The following AGPAT4 variants were observed in gnomAD, a reference collection of about 807,000 sequenced individuals.
The protein encoded by AGPAT4 is 1-acylglycerol-3-phosphate O-acyltransferase 4, also known as 1-acyl-sn-glycerol-3-phosphate acyltransferase delta.
AGPAT4 carries 15 observed loss-of-function variants against 48.0 expected under a neutral mutation model. That is an observed-to-expected ratio of 0.31 (90% CI 0.21 to 0.48). AGPAT4 has a LOEUF of 0.48. AGPAT4 is among the 20% of genes least tolerant of loss of function. The pLI is 0.99. For missense variants in AGPAT4, 314 were observed against 482.5 expected, an observed-to-expected ratio of 0.65 and a Z score of 3.27; for synonymous variants, 178 against 198.7, an observed-to-expected ratio of 0.90 and a Z score of 0.88.
At chr6:161,258,158 C>T (rs1162081094) in intron 1 of AGPAT4, among the ~76,000 whole-genome samples, 2 of 152,290 alleles carry the variant, frequency 1.3e-5, no homozygotes, top group South Asian at 2.1e-4. Context: ...TCTTATGACA[C>T]TTTTTTTCCT....
rs1365446791 is a variant in AGPAT4, at chr6:161,232,823, C to A, written c.-89-521G>T. 6.6e-6 allele frequency among the ~76,000 whole-genome samples: 1 copy of A among 152,220 alleles called. No individual in the cohort carries two copies. Among genetic ancestry groups the A allele is most frequent in the Non-Finnish European group, 1.5e-5 (1 of 68,040 alleles). On this transcript the variant is annotated intron_variant, in intron 1 of 8. Coordinates refer to ENST00000320285, the MANE Select transcript of AGPAT4 (RefSeq NM_020133.3). This position sits in a 1 kb window ranked among gnomAD's most constrained non-coding sequence, Gnocchi z 6.8. ...GGACTGCCCTAAAGTCAAGCCTGCC[C>A]TGGACAAGGACGAGGACATACCCAG...
At position 161,262,546 on chromosome 6, in the gene AGPAT4, C is replaced by T. The variant is rs1371323903; in HGVS notation, c.-90+11392G>A. Among the ~76,000 whole-genome samples the T allele has an allele frequency of 6.6e-6, 1 of 152,152 alleles. No individual in the cohort carries two copies. Among genetic ancestry groups the T allele is most frequent in the African/African-American group, 2.4e-5 (1 of 41,422 alleles). ...GGTTTGCTTGTCCCTGGGCAAAGTC[C>T]CCAGCCTAGAGTTCCTCCTTCCACA... On this transcript the variant is annotated intron_variant, in intron 1 of 8. Coordinates refer to ENST00000320285, the MANE Select transcript of AGPAT4 (RefSeq NM_020133.3). The surrounding 1 kb of genome is among the most constrained non-coding windows in gnomAD (Gnocchi z 4.9).
In AGPAT4 at chr6:161,246,414, C is replaced by CT. The variant is rs11433098; in HGVS notation, c.-89-14113dup. ...CTTCTGAGCATAGGCACAGGGGATTCTTTTTTTTTTTTGAGACAGAGTTTC... is the reference window on the plus strand; with the variant it reads ...CTTCTGAGCATAGGCACAGGGGATTCTTTTTTTTTTTTTGAGACAGAGTTTC... On this transcript the variant is annotated intron_variant, in intron 1 of 8. Coordinates refer to ENST00000320285, the MANE Select transcript of AGPAT4 (RefSeq NM_020133.3). This position sits in a 1 kb window ranked among gnomAD's most constrained non-coding sequence, Gnocchi z 5.5. Among the ~76,000 whole-genome samples, 7,937 of 145,954 alleles carry CT rather than the reference C, an allele frequency of 0.054. 633 individuals carry two copies. The highest frequency in any genetic ancestry group is 0.18 in the African/African-American group (7,080 of 39,762).
In AGPAT4 at chr6:161,222,566, G is replaced by A. The variant is rs1009840069; in HGVS notation, c.178+9470C>T. 1.3e-5 allele frequency among the ~76,000 whole-genome samples: 2 copies of A among 150,716 alleles called. No individual in the cohort carries two copies. Among genetic ancestry groups the A allele is most frequent in the African/African-American group, 4.9e-5 (2 of 40,416 alleles). On this transcript the variant is annotated intron_variant, in intron 2 of 8. Coordinates refer to ENST00000320285, the MANE Select transcript of AGPAT4 (RefSeq NM_020133.3). This position sits in a 1 kb window ranked among gnomAD's most constrained non-coding sequence, Gnocchi z 5.9. Reference sequence around the variant, plus strand: ...TGGGCATCTTTCTATAAAAGATTACGCATGAACAGATTTTTTTTTTTTTCA... The same window carrying A: ...TGGGCATCTTTCTATAAAAGATTACACATGAACAGATTTTTTTTTTTTTCA...
chr6:161,168,602 G>C (rs747864532), intron 2 of AGPAT4, among the ~76,000 whole-genome samples: 3 of 152,010 alleles, frequency 2.0e-5, no homozygotes, highest in Non-Finnish European at 4.4e-5. Flanking sequence ...GCAAGAGCCT[G>C]GCACATGGAT....
In AGPAT4 at chr6:161,137,824, CCT is replaced by C. The variant is rs1287526265; in HGVS notation, c.1043-1192_1043-1191del. Among the ~76,000 whole-genome samples the C allele has an allele frequency of 2.6e-5, 4 of 151,622 alleles. No individual in the cohort carries two copies. Among genetic ancestry groups the C allele is most frequent in the African/African-American group, 9.7e-5 (4 of 41,256 alleles). On this transcript the variant is annotated intron_variant, in intron 8 of 8. Transcript: ENST00000320285. The surrounding 1 kb of genome is among the most constrained non-coding windows in gnomAD (Gnocchi z 6.1). ...ACCCCTCAGATGCTCCTGAAGACTC[CCT>C]GTGTCCACACTGCACCCCTCAGATG... is the stretch of plus-strand genomic sequence containing the variant.
At chr6:161,273,781 G>T (rs367880608) in intron 1 of AGPAT4, among the ~76,000 whole-genome samples, 157 bp downstream of exon 1, 1 of 81,704 alleles carries the variant, frequency 1.2e-5, no homozygotes. Context: ...CCTTTCCCCC[G>T]CCCGCCTTGC....
chr6:161,165,471 G>T lies in AGPAT4; in HGVS notation c.348+777C>A, dbSNP rs1780067868. 3.1e-6 allele frequency: 2 copies of T among 651,032 alleles called. No homozygotes were observed. The highest frequency in any genetic ancestry group is 2.2e-6 in the Non-Finnish European group (1 of 461,330). 40.3% of individuals were successfully genotyped at this position (651,032 alleles called of 1,614,324 possible). On this transcript the variant is annotated intron_variant, in intron 3 of 8. Coordinates refer to ENST00000320285, the MANE Select transcript of AGPAT4 (RefSeq NM_020133.3). The surrounding 1 kb of genome is among the most constrained non-coding windows in gnomAD (Gnocchi z 5.5). ...CCCCGTATCTGTTCTACAGGGCATT[G>T]TTCCCAGGTGCAAAACCTGATCTCT...
At position 161,161,516 on chromosome 6, in the gene AGPAT4, G is replaced by A. The variant is rs763671407; in HGVS notation, c.348+4732C>T. ...AGAGCTGATGAATTCACATGGTGGC[G>A]GGCAGCACTGGGTATCTGCCATAGG... On this transcript the variant is annotated intron_variant, in intron 3 of 8. Coordinates refer to ENST00000320285, the MANE Select transcript of AGPAT4 (RefSeq NM_020133.3). This position sits in a 1 kb window ranked among gnomAD's most constrained non-coding sequence, Gnocchi z 4.6. The A allele has an allele frequency of 2.4e-5, 11 of 456,474 alleles. No homozygotes were observed. Among genetic ancestry groups the A allele is most frequent in the Middle Eastern group, 3.2e-4 (1 of 3,098 alleles). The allele number at this position is 456,474 out of a possible 1,614,324, so 28.3% of individuals were successfully genotyped here.
Position 161,225,087 on chromosome 6 carries a change from C to T in AGPAT4, c.178+6949G>A, listed in dbSNP as rs1349972175. Among the ~76,000 whole-genome samples the T allele has an allele frequency of 2.0e-5, 3 of 150,470 alleles. No individual in the cohort carries two copies. Among genetic ancestry groups the T allele is most frequent in the Non-Finnish European group, 2.9e-5 (2 of 67,958 alleles). ...ATTACCTGCTTCACCCTGACTCATTCGGATTATTACCTGCTCTACCCAGAC... is the reference window on the plus strand; with the variant it reads ...ATTACCTGCTTCACCCTGACTCATTTGGATTATTACCTGCTCTACCCAGAC... On this transcript the variant is annotated intron_variant, in intron 2 of 8. Coordinates refer to ENST00000320285, the MANE Select transcript of AGPAT4 (RefSeq NM_020133.3). The surrounding 1 kb of genome is among the most constrained non-coding windows in gnomAD (Gnocchi z 5.0).
rs568414212 is a variant in AGPAT4 at position 161,154,560 on chromosome 6, G to A, written c.349-250C>T. Among the ~76,000 whole-genome samples the A allele has an allele frequency of 1.3e-5, 2 of 152,246 alleles. No homozygotes were observed. The highest frequency in any genetic ancestry group is 1.3e-4 in the Admixed American group (2 of 15,306). ...GGGCACCCTGGTTCTCAGCGCAGAC[G>A]GCAGGAGTCAAGAAGGCAGCAGCGA... On this transcript the variant is annotated intron_variant, in intron 3 of 8. Coordinates refer to ENST00000320285, the MANE Select transcript of AGPAT4 (RefSeq NM_020133.3). The surrounding 1 kb of genome is among the most constrained non-coding windows in gnomAD (Gnocchi z 7.8).
Position 161,164,071 on chromosome 6 carries a change from T to C in AGPAT4, c.348+2177A>G, listed in dbSNP as rs970560979. On this transcript the variant is annotated intron_variant, in intron 3 of 8. Coordinates refer to ENST00000320285, the MANE Select transcript of AGPAT4 (RefSeq NM_020133.3). This position sits in a 1 kb window ranked among gnomAD's most constrained non-coding sequence, Gnocchi z 7.4. Reference sequence around the variant, plus strand: ...TATGCTGCAGGTGGGATGGGCGTGCTGTTGACTTGCTTTCCCGCCATCAGC... The same window carrying C: ...TATGCTGCAGGTGGGATGGGCGTGCCGTTGACTTGCTTTCCCGCCATCAGC... 5.9e-5 allele frequency among the ~76,000 whole-genome samples: 9 copies of C among 152,218 alleles called. No homozygotes were observed. The highest frequency in any genetic ancestry group is 2.6e-4 in the Admixed American group (4 of 15,286).
At position 161,243,627 on chromosome 6, in the gene AGPAT4, AG is replaced by A. The variant is rs1318162840; in HGVS notation, c.-89-11326del. 2.0e-5 allele frequency among the ~76,000 whole-genome samples: 3 copies of A among 152,218 alleles called. No individual in the cohort carries two copies. The highest frequency in any genetic ancestry group is 7.2e-5 in the African/African-American group (3 of 41,464). ...CCACCGTGCTGTAACAATTACACAC[AG>A]GAAGGCAGAGAAACAGCACAACAGC... On this transcript the variant is annotated intron_variant, in intron 1 of 8. Coordinates refer to ENST00000320285, the MANE Select transcript of AGPAT4 (RefSeq NM_020133.3). This position sits in a 1 kb window ranked among gnomAD's most constrained non-coding sequence, Gnocchi z 4.8.
At position 161,225,053 on chromosome 6, in the gene AGPAT4, C is replaced by T. The variant is rs1374011976; in HGVS notation, c.178+6983G>A. Among the ~76,000 whole-genome samples the T allele has an allele frequency of 6.6e-6, 1 of 152,040 alleles. No individual in the cohort carries two copies. The highest frequency in any genetic ancestry group is 1.5e-5 in the Non-Finnish European group (1 of 68,004). On this transcript the variant is annotated intron_variant, in intron 2 of 8. Transcript: ENST00000320285. The surrounding 1 kb of genome is among the most constrained non-coding windows in gnomAD (Gnocchi z 5.0). ...CTTCCAACTACCTGCTCCACCCTGA[C>T]TCATTCCGATTACCTGCTTCACCCT...
At position 161,189,643 on chromosome 6, in the gene AGPAT4, C is replaced by A. The variant is rs1780866463; in HGVS notation, c.179-23226G>T. Among the ~76,000 whole-genome samples, 1 of 152,114 alleles carries A rather than the reference C, an allele frequency of 6.6e-6. No homozygotes were observed. The highest frequency in any genetic ancestry group is 2.4e-5 in the African/African-American group (1 of 41,418). On this transcript the variant is annotated intron_variant, in intron 2 of 8. Coordinates refer to ENST00000320285, the MANE Select transcript of AGPAT4 (RefSeq NM_020133.3). This position sits in a 1 kb window ranked among gnomAD's most constrained non-coding sequence, Gnocchi z 5.3. ...TGCTGTACACTTGCACACGGCAGAT[C>A]CAGGCCAGCTGCACATCCGTGGGCT...
At chr6:161,224,744 T>A (rs887646296) in intron 2 of AGPAT4, among the ~76,000 whole-genome samples, 3 of 151,728 alleles carry the variant, frequency 2.0e-5, no homozygotes, top group Admixed American at 2.0e-4. Context: ...CCAAACGCAA[T>A]GCCTGACACA....
In AGPAT4 at chr6:161,219,852, TA is replaced by T. The variant is rs1781762452; in HGVS notation, c.178+12183del. ...ATAGATAGATAGATAGATAGATAGA[TA>T]GATAGATAGATAGATAGATAGGCAG... On this transcript the variant is annotated intron_variant, in intron 2 of 8. Coordinates refer to ENST00000320285, the MANE Select transcript of AGPAT4 (RefSeq NM_020133.3). This position sits in a 1 kb window ranked among gnomAD's most constrained non-coding sequence, Gnocchi z 4.9. 8.7e-6 allele frequency among the ~76,000 whole-genome samples: 1 copy of T among 115,014 alleles called. No individual in the cohort carries two copies. Among genetic ancestry groups the T allele is most frequent in the African/African-American group, 3.7e-5 (1 of 26,816 alleles). The allele number at this position is 115,014 out of a possible 152,430, so 75.5% of individuals were successfully genotyped here.
chr6:161,200,625 C>A lies in AGPAT4; in HGVS notation c.178+31411G>T, dbSNP rs1262712260. Among the ~76,000 whole-genome samples, 1 of 152,172 alleles carries A rather than the reference C, an allele frequency of 6.6e-6. No homozygotes were observed. Among genetic ancestry groups the A allele is most frequent in the Admixed American group, 6.5e-5 (1 of 15,284 alleles). On this transcript the variant is annotated intron_variant, in intron 2 of 8. Transcript: ENST00000320285. This position sits in a 1 kb window ranked among gnomAD's most constrained non-coding sequence, Gnocchi z 5.5. ...CTAGAAAGAATTATTGGCACCTCTT[C>A]TTTTCTTCAATAATCATATTTACTA...
chr6:161,273,830 T>G, intron 1 of AGPAT4, 108 bp downstream of exon 1: 1 of 110,788 alleles, frequency 9.0e-6, no homozygotes, highest in African/African-American at 3.5e-5. Flanking sequence ...CTTCCAGAGG[T>G]CCTAAGGAAA....
Sources: allele counts gnomAD v4.1 joint callset (sites outside exome capture counted in the v4.1 genomes callset), GRCh38; gene constraint gnomAD v4.1.1; non-coding constraint Gnocchi (gnomAD v3.1); transcripts MANE v1.5; gene names NCBI Gene and HGNC (gene_info 2026-07-23, HGNC 2026-07-21).